Variants in ITPR2 observed in about 807,000 individuals in gnomAD.
The protein encoded by ITPR2 is inositol 1,4,5-trisphosphate receptor type 2.
A neutral mutation model predicts 317.1 loss-of-function variants in ITPR2; 207 were observed. That is an observed-to-expected ratio of 0.65 (90% CI 0.58 to 0.73). ITPR2 has a LOEUF of 0.73. Among genes scored for constraint, ITPR2 ranks in the 30% least tolerant of loss-of-function variants. The pLI, the probability that ITPR2 is intolerant of heterozygous loss-of-function variation, is 0.00. For missense variants in ITPR2, 2,613 were observed against 3,284.0 expected (o/e 0.80, Z 4.99); for synonymous variants, 1,156 against 1,149.1 (o/e 1.01, Z -0.12).
chr12:26,564,893 A>AT (rs1485309864), intron 34 of ITPR2, among the ~76,000 whole-genome samples: 10 of 152,364 alleles, frequency 6.6e-5, no homozygotes, highest in East Asian at 3.9e-4. Context: ...ATTTATGGCC[A>AT]GCCGTAGAAA....
Position 26,486,106 on chromosome 12 carries a change from G to C in ITPR2, c.5809C>G (p.Gln1937Glu). 2 of 1,614,020 alleles carry C rather than the reference G, an allele frequency of 1.2e-6. No homozygotes were observed. Among genetic ancestry groups the C allele is most frequent in the Non-Finnish European group, 1.7e-6 (2 of 1,179,920 alleles). ...LLCENHNREL[Q>E]NFLRNQNNKT... ...TTCACACAAAACAGAACAAATACCT[G>C]CAATTCCCGGTTGTGATTCTCACAC... The change falls in exon 41 of 57, where the codon CAG (glutamine) becomes GAG (glutamate). Residue 1937 changes from glutamine (Q) to glutamate (E), a missense_variant and splice_region_variant. Gln to Glu is a conservative substitution (Grantham distance 29). Around this residue, in one of 9 missense-constraint regions of ITPR2, gnomAD observed 926 missense variants for 1,072.8 expected, o/e 0.86. Transcript: ENST00000381340.
chr12:26,597,190 AT>A, intron 30 of ITPR2, 56 bp from the exon 31 acceptor site: 4 of 1,586,268 alleles, frequency 2.5e-6, no homozygotes, highest in Non-Finnish European at 3.5e-6. Flanking sequence ...CCTTGCAGTT[AT>A]TTCCAAAGGC....
At chr12:26,626,759 G>A (rs771032158) in intron 23 of ITPR2, among the ~76,000 whole-genome samples, 5 of 152,256 alleles carry the variant, frequency 3.3e-5, no homozygotes, top group Non-Finnish European at 5.9e-5. Context: ...CTACATGCTT[G>A]TAATCACTGA....
At chr12:26,400,051 A>G in intron 53 of ITPR2, 77 bp downstream of exon 53, 1 of 1,442,674 alleles carries the variant, frequency 6.9e-7, no homozygotes, top group South Asian at 1.5e-5. Flanking sequence ...GAAAACCAAA[A>G]CTAAATTATA....
intron 28 of ITPR2, among the ~76,000 whole-genome samples, chr12:26,600,401 TCCA>T (rs1252939913): frequency 1.3e-5 from 2 of 152,060 alleles, no homozygotes; most frequent in Non-Finnish European, 2.9e-5. Context: ...TTTCCAACTG[TCCA>T]CCACGTTTCC....
intron 2 of ITPR2, among the ~76,000 whole-genome samples, chr12:26,787,922 C>CT (rs71069268): frequency 0.2 from 24,165 of 120,170 alleles, 3,066 homozygotes; most frequent in Non-Finnish European, 0.28. Context: ...GGTGACTATC[C>CT]TTTTTTTTTT....
chr12:26,539,723 C>T (rs1206890672), intron 37 of ITPR2, among the ~76,000 whole-genome samples: 6 of 152,218 alleles, frequency 3.9e-5, no homozygotes, highest in Admixed American at 3.3e-4. Flanking sequence ...GTGCCTTCTG[C>T]GAGACGTCTT....
chr12:26,711,341 A>C (rs180812572), intron 8 of ITPR2, 73 bp from the exon 9 acceptor site: 24 of 978,054 alleles, frequency 2.5e-5, no homozygotes, highest in Middle Eastern at 4.1e-4. Context: ...AACAGTTTAC[A>C]TGCCTGCCCT....
chr12:26,736,779 TC>T (rs1206622975), intron 2 of ITPR2, among the ~76,000 whole-genome samples: 2 of 152,194 alleles, frequency 1.3e-5, no homozygotes, highest in African/African-American at 4.8e-5. Flanking sequence ...TTAGACTGAT[TC>T]CTCAAACAGA....
intron 37 of ITPR2, among the ~76,000 whole-genome samples, chr12:26,517,447 A>G (rs1009143760): frequency 6.6e-6 from 1 of 152,238 alleles, no homozygotes; most frequent in Non-Finnish European, 1.5e-5. Flanking sequence ...ATATGAAAAA[A>G]TGCTCAATAT....
intron 13 of ITPR2, among the ~76,000 whole-genome samples, chr12:26,674,854 AAAAC>A (rs1214817767): frequency 8.5e-5 from 13 of 152,102 alleles, no homozygotes; most frequent in South Asian, 4.2e-4. Context: ...TTACAAGAAA[AAAAC>A]AAACAACCCC....
intron 32 of ITPR2, among the ~76,000 whole-genome samples, chr12:26,587,907 G>A (rs762693958): frequency 1.3e-4 from 20 of 152,326 alleles, no homozygotes; most frequent in Middle Eastern, 3.4e-3. Flanking sequence ...TGTGATGGGA[G>A]TGTTCAGGAG....
At chr12:26,729,577 G>A (rs1197298285) in intron 2 of ITPR2, among the ~76,000 whole-genome samples, 2 of 152,068 alleles carry the variant, frequency 1.3e-5, no homozygotes, top group Admixed American at 1.3e-4. Flanking sequence ...TCATAGACTG[G>A]ATAAAGAAAA....
chr12:26,462,154 C>CTTTTGTTCTGTTTTG (rs1942051177), intron 45 of ITPR2, among the ~76,000 whole-genome samples: 2 of 149,574 alleles, frequency 1.3e-5, no homozygotes, highest in South Asian at 4.3e-4. Context: ...ACAAGGAAAA[C>CTTTTGTTCTGTTTTG]TTTTGTTTTG....
chr12:26,417,562 C>T (rs1012952928), intron 50 of ITPR2, among the ~76,000 whole-genome samples: 13 of 152,104 alleles, frequency 8.5e-5, no homozygotes, highest in African/African-American at 3.1e-4. Context: ...GTGCTCTCCT[C>T]TCTCTCTTCT....
chr12:26,550,852 G>A (rs766375705), intron 36 of ITPR2, among the ~76,000 whole-genome samples: 2 of 152,004 alleles, frequency 1.3e-5, no homozygotes, highest in Non-Finnish European at 2.9e-5. Flanking sequence ...CACTGCCAGG[G>A]TTTGGTAGGA....
At chr12:26,655,438 C>A (rs1290467163) in intron 20 of ITPR2, among the ~76,000 whole-genome samples, 1 of 151,786 alleles carries the variant, frequency 6.6e-6, no homozygotes, top group Non-Finnish European at 1.5e-5. Flanking sequence ...CATGGTGAAA[C>A]CCCGTCTCTA....
At chr12:26,389,083 G>A (rs988967527) in intron 54 of ITPR2, among the ~76,000 whole-genome samples, 1 of 152,128 alleles carries the variant, frequency 6.6e-6, no homozygotes, top group African/African-American at 2.4e-5. Context: ...ACTCTGGTCT[G>A]GGCCATTGTC....
At chr12:26,509,662 T>A (rs1296349498) in intron 37 of ITPR2, among the ~76,000 whole-genome samples, 1 of 152,144 alleles carries the variant, frequency 6.6e-6, no homozygotes, top group Non-Finnish European at 1.5e-5. Flanking sequence ...AACATGAAAT[T>A]GTATGTGTCA....
Sources: gnomAD v4.1 joint callset for allele counts (sites outside exome capture counted in the v4.1 genomes callset) on GRCh38, gnomAD v4.1.1 for gene constraint, gnomAD v4.1.1 regional missense constraint, MANE v1.5 for transcripts, NCBI Gene and HGNC (gene_info 2026-07-23, HGNC 2026-07-21) for gene names.